PLEKHO2: variants seen among roughly 807,000 people sequenced by gnomAD.
The protein encoded by PLEKHO2 is pleckstrin homology domain containing O2, also known as pleckstrin homology domain-containing family O member 2.
PLEKHO2 carries 20 observed loss-of-function variants against 32.7 expected under a neutral mutation model. The observed-to-expected ratio is 0.61, with a 90% CI of 0.43 to 0.89. The LOEUF (loss-of-function observed/expected upper bound fraction) is 0.89. Among genes scored for constraint, PLEKHO2 ranks in the 40% least tolerant of loss-of-function variants. The probability of loss-of-function intolerance (pLI) is 0.00; values close to 1 mark genes in which losing one functional copy is unlikely to be tolerated. For missense variants in PLEKHO2, 568 were observed against 621.2 expected (o/e 0.91, Z 0.91); for synonymous variants, 247 against 246.3 (o/e 1.00, Z -0.03).
At chr15:64,850,474 CCTAAATAAAATCTTTCCCTGGT>C (rs1376493379) in intron 2 of PLEKHO2, among the ~76,000 whole-genome samples, 1 of 152,192 alleles carries the variant, frequency 6.6e-6, no homozygotes, top group East Asian at 1.9e-4. Context: ...AAGATTCTGG[CCTAAATAAAATCTTTCCCTGGT>C]GGCTCAGTGT....
chr15:64,846,495 G>A (rs1767769555), intron 1 of PLEKHO2, among the ~76,000 whole-genome samples: 1 of 152,094 alleles, frequency 6.6e-6, no homozygotes, highest in Non-Finnish European at 1.5e-5. Context: ...TGTATTTTTA[G>A]TAGAGTTGGG....
chr15:64,842,136 C>T, intron 1 of PLEKHO2, 108 bp downstream of exon 1: 1 of 1,055,930 alleles, frequency 9.5e-7, no homozygotes, highest in Admixed American at 4.3e-5. Flanking sequence ...TCCCGCCAGT[C>T]TCACCTCAGG....
chr15:64,866,621 G>A lies in PLEKHO2; in HGVS notation c.*733G>A, dbSNP rs2084690433. 3.1e-6 allele frequency: 1 copy of A among 323,372 alleles called. No homozygotes were observed. The highest frequency in any genetic ancestry group is 4.0e-5 in the Admixed American group (1 of 25,152). The allele number at this position is 323,372 out of a possible 1,614,324, so 20.0% of individuals were successfully genotyped here. On this transcript the variant is annotated 3_prime_UTR_variant, in exon 6 of 6. Transcript: ENST00000323544. ...GCTTAGGTCTGGAGGATTCAAGAGTGGAAGAGGAATTTAAGGGGTCCCCTA... is the reference window on the plus strand; with the variant it reads ...GCTTAGGTCTGGAGGATTCAAGAGTAGAAGAGGAATTTAAGGGGTCCCCTA...
chr15:64,843,656 C>T (rs2084502002), intron 1 of PLEKHO2, among the ~76,000 whole-genome samples: 1 of 151,502 alleles, frequency 6.6e-6, no homozygotes, highest in African/African-American at 2.4e-5. Flanking sequence ...TATTGGCTCA[C>T]CGCAACCGCC....
chr15:64,865,174 G>A lies in PLEKHO2; in HGVS notation c.759G>A (p.Glu253=), dbSNP rs759051919. Residue 253 remains glutamate (E), a synonymous_variant, in exon 6 of 6, where the codon GAG becomes GAA. Coordinates refer to ENST00000323544, the MANE Select transcript of PLEKHO2 (RefSeq NM_025201.5). ...ESQEDSETPA[E]EDSGSEQPPN... ...AAGAGGACTCAGAGACCCCAGCAGA[G>A]GAGGACAGTGGCTCTGAGCAGCCTC... The A allele has an allele frequency of 1.2e-6, 2 of 1,614,176 alleles. No homozygotes were observed.
Position 64,865,950 on chromosome 15 carries a change from C to T in PLEKHO2, c.*62C>T. 3 of 1,530,560 alleles carry T rather than the reference C, an allele frequency of 2.0e-6. No homozygotes were observed. Among genetic ancestry groups the T allele is most frequent in the Non-Finnish European group, 2.6e-6 (3 of 1,143,776 alleles). The allele number at this position is 1,530,560 out of a possible 1,614,324, so 94.8% of individuals were successfully genotyped here. On this transcript the variant is annotated 3_prime_UTR_variant, in exon 6 of 6. Transcript: ENST00000323544. ...TCCATCAAGTCCATCAAGGCCCAGC[C>T]CTGCTGAGAAATGTGCTTCTGCTTC...
intron 2 of PLEKHO2, among the ~76,000 whole-genome samples, chr15:64,854,119 T>A (rs966399376): frequency 6.6e-6 from 1 of 152,152 alleles, no homozygotes; most frequent in Non-Finnish European, 1.5e-5. Flanking sequence ...GAGGAGCTTT[T>A]CCCAGGCAGC....
intron 5 of PLEKHO2, among the ~76,000 whole-genome samples, chr15:64,864,014 A>G (rs1014107636): frequency 4.6e-5 from 7 of 152,070 alleles, no homozygotes; most frequent in Non-Finnish European, 1.0e-4. Flanking sequence ...AAGTGCTGGG[A>G]TTATAGGCGT....
In PLEKHO2 at chr15:64,855,053, C is replaced by G; in HGVS notation, c.279+16C>G. 1.3e-6 allele frequency: 2 copies of G among 1,553,658 alleles called. No homozygotes were observed. Among genetic ancestry groups the G allele is most frequent in the South Asian group, 2.3e-5 (2 of 85,196 alleles). On this transcript the variant is annotated intron_variant, in intron 3 of 5. Transcript: ENST00000323544. Reference sequence around the variant, plus strand: ...AGGGAACAAGGTAGGGCGATGCCTGCTGCTGCCCCATCTCCCTCTAGCCCA... The same window carrying G: ...AGGGAACAAGGTAGGGCGATGCCTGGTGCTGCCCCATCTCCCTCTAGCCCA...
intron 2 of PLEKHO2, among the ~76,000 whole-genome samples, chr15:64,854,477 C>A (rs1298602630): frequency 6.6e-6 from 1 of 152,208 alleles, no homozygotes; most frequent in Non-Finnish European, 1.5e-5. Context: ...GTTCACACTT[C>A]CCTCTGGCTC....
chr15:64,859,279 A>C (rs1346417305), intron 3 of PLEKHO2, among the ~76,000 whole-genome samples: 1 of 152,228 alleles, frequency 6.6e-6, no homozygotes, highest in African/African-American at 2.4e-5. Flanking sequence ...TCATGGCTCC[A>C]TGAGGCAGGT....
chr15:64,867,494 C>G lies in PLEKHO2; in HGVS notation c.*1606C>G, dbSNP rs1056284011. On this transcript the variant is annotated 3_prime_UTR_variant, in exon 6 of 6. Transcript: ENST00000323544. ...CAGTCTGGCTTTCCCTCCATCTGCC[C>G]CAGGACAAGAGCAAGAAGGACATCA... The G allele has an allele frequency of 3.3e-5, 5 of 152,242 alleles. No homozygotes were observed. The highest frequency in any genetic ancestry group is 1.2e-4 in the African/African-American group (5 of 41,438). 9.4% of individuals were successfully genotyped at this position (152,242 alleles called of 1,614,324 possible).
chr15:64,846,930 G>A (rs72733239), intron 1 of PLEKHO2, among the ~76,000 whole-genome samples: 2,758 of 152,304 alleles, frequency 0.018, 56 homozygotes, highest in South Asian at 0.031. Context: ...CACTTACTAT[G>A]TGCCAGTCAC....
chr15:64,856,438 T>C (rs1040556676), intron 3 of PLEKHO2, among the ~76,000 whole-genome samples: 1 of 152,254 alleles, frequency 6.6e-6, no homozygotes, highest in East Asian at 1.9e-4. Flanking sequence ...ACCTAGCCTC[T>C]CTGGCCTCTG....
At chr15:64,864,861 C>A in intron 5 of PLEKHO2, 38 bp from the exon 6 acceptor site, 2 of 1,535,486 alleles carry the variant, frequency 1.3e-6, no homozygotes, top group South Asian at 2.5e-5. Context: ...AATGGCTAGT[C>A]AGCCAAGATG....
intron 3 of PLEKHO2, among the ~76,000 whole-genome samples, chr15:64,856,868 T>C (rs2140342750): frequency 6.6e-6 from 1 of 152,280 alleles, no homozygotes; most frequent in South Asian, 2.1e-4. Context: ...GCAGCCTGGG[T>C]GTTCCCCGTC....
chr15:64,847,824 G>A (rs1249699088), intron 1 of PLEKHO2, among the ~76,000 whole-genome samples: 1 of 152,192 alleles, frequency 6.6e-6, no homozygotes, highest in Non-Finnish European at 1.5e-5. Flanking sequence ...GGAGGGGAGA[G>A]GAGCCTCCTG....
intron 3 of PLEKHO2, among the ~76,000 whole-genome samples, chr15:64,859,061 A>G (rs1036100919): frequency 2.0e-5 from 3 of 152,182 alleles, no homozygotes; most frequent in Admixed American, 6.5e-5. Flanking sequence ...ACTTAGCACA[A>G]TGTTTTCAAG....
chr15:64,860,404 C>T (rs2140344467), intron 4 of PLEKHO2, among the ~76,000 whole-genome samples: 1 of 152,336 alleles, frequency 6.6e-6, no homozygotes, highest in Non-Finnish European at 1.5e-5. Flanking sequence ...GCTCTCAGCT[C>T]TGGGCCTCCC....
Sources: allele counts gnomAD v4.1 joint callset (sites outside exome capture counted in the v4.1 genomes callset), GRCh38; gene constraint gnomAD v4.1.1; transcripts MANE v1.5; gene names NCBI Gene and HGNC (gene_info 2026-07-23, HGNC 2026-07-21).